ANXA11: variants seen among roughly 807,000 people sequenced by gnomAD.
The protein encoded by ANXA11 is annexin A11.
A neutral mutation model predicts 64.7 loss-of-function variants in ANXA11; 57 were observed. That is an observed-to-expected ratio of 0.88 (90% CI 0.71 to 1.10). ANXA11 has a LOEUF of 1.10. ANXA11 is among the 50% of genes least tolerant of loss of function. The pLI is 0.00. For synonymous variants in ANXA11, 260 were observed against 265.2 expected (o/e 0.98, Z 0.19); for missense variants, 675 against 670.7 (o/e 1.01, Z -0.07).
In ANXA11 at chr10:80,155,653, A is replaced by G; in HGVS notation, c.*200T>C. 7.1e-6 allele frequency: 4 copies of G among 564,578 alleles called. No homozygotes were observed. The highest frequency in any genetic ancestry group is 1.3e-5 in the Non-Finnish European group (4 of 319,018). 35.0% of individuals were successfully genotyped at this position (564,578 alleles called of 1,614,324 possible). A position where few individuals can be genotyped will look rare whatever the true frequency, so the allele number is the denominator to read the frequency against. On this transcript the variant is annotated 3_prime_UTR_variant, in exon 16 of 16. Coordinates refer to ENST00000422982, the MANE Select transcript of ANXA11 (RefSeq NM_145868.2). ...AGAGGCTGTGAGGGATGGGGTAGAA[A>G]AGGCATCCTGAGAGAGTTCTAGACC...
rs576420178 is a variant in ANXA11, at chr10:80,176,559, C to T, written c.-57-404G>A. 5.9e-5 allele frequency among the ~76,000 whole-genome samples: 9 copies of T among 152,328 alleles called. No homozygotes were observed. The South Asian group carries it at 1.5e-3, about 25-fold the overall frequency. Reference sequence around the variant, plus strand: ...CTGCATGTATGTATTGGCCATTAAACAACTTTTAAAAAGGCCCAATTCAGG... The same window carrying T: ...CTGCATGTATGTATTGGCCATTAAATAACTTTTAAAAAGGCCCAATTCAGG... On this transcript the variant is annotated intron_variant, in intron 1 of 15. Transcript: ENST00000422982.
intron 1 of ANXA11, among the ~76,000 whole-genome samples, chr10:80,199,871 G>A (rs1840343084): frequency 6.6e-6 from 1 of 152,200 alleles, no homozygotes; most frequent in Non-Finnish European, 1.5e-5. Context: ...AGCCCGCTGA[G>A]ACAGTTTATG....
chr10:80,156,520 C>CTTT, intron 15 of ANXA11: 2 of 386,890 alleles, frequency 5.2e-6, no homozygotes, highest in Non-Finnish European at 1.1e-5. Flanking sequence ...TATTAACTCT[C>CTTT]TTTTTTTTTT....
chr10:80,189,607 C>T (rs2573356), intron 1 of ANXA11, among the ~76,000 whole-genome samples: 96,202 of 152,050 alleles, frequency 0.63, 31,495 homozygotes, highest in African/African-American at 0.8. Flanking sequence ...GACCAGATGA[C>T]TTCAGATTTT....
chr10:80,181,774 A>G (rs1234325279), intron 1 of ANXA11, among the ~76,000 whole-genome samples: 2 of 152,226 alleles, frequency 1.3e-5, no homozygotes, highest in Non-Finnish European at 2.9e-5. Flanking sequence ...AAAATCCAAA[A>G]CACTGATAAC....
chr10:80,178,242 A>G (rs1846239017), intron 1 of ANXA11, among the ~76,000 whole-genome samples: 2 of 151,806 alleles, frequency 1.3e-5, no homozygotes, highest in South Asian at 4.2e-4. Flanking sequence ...TCTGGCATCC[A>G]TGAGAATCAT....
At chr10:80,161,158 G>A (rs1007183274) in intron 12 of ANXA11, among the ~76,000 whole-genome samples, 4 of 152,110 alleles carry the variant, frequency 2.6e-5, no homozygotes, top group African/African-American at 9.7e-5. Flanking sequence ...CCAGCTCCGG[G>A]AAGTCATCAG....
intron 1 of ANXA11, among the ~76,000 whole-genome samples, chr10:80,193,703 G>A (rs558724635): frequency 1.1e-4 from 16 of 150,956 alleles, no homozygotes; most frequent in African/African-American, 3.2e-4. Flanking sequence ...AAGTAGTCTG[G>A]CGTGGTGGCG....
At chr10:80,172,574 C>T (rs1229287823) in intron 3 of ANXA11, among the ~76,000 whole-genome samples, 2 of 152,112 alleles carry the variant, frequency 1.3e-5, no homozygotes, top group Non-Finnish European at 2.9e-5. Context: ...GGGCCTGGTC[C>T]AGGGCTTTCT....
intron 1 of ANXA11, among the ~76,000 whole-genome samples, chr10:80,186,251 C>T (rs1846533856): frequency 6.6e-6 from 1 of 150,962 alleles, no homozygotes; most frequent in Non-Finnish European, 1.5e-5. Context: ...GGACCCTGGG[C>T]TATTTGATAA....
At chr10:80,167,420 G>T in intron 5 of ANXA11, 107 bp from the exon 6 acceptor site, 1 of 995,396 alleles carries the variant, frequency 1.0e-6, no homozygotes. Flanking sequence ...CTAAGAGTTG[G>T]AGTATCTAAA....
intron 1 of ANXA11, among the ~76,000 whole-genome samples, chr10:80,179,457 G>A (rs146307302): frequency 6.6e-6 from 1 of 152,328 alleles, no homozygotes; most frequent in African/African-American, 2.4e-5. Context: ...ATAGTCGTGT[G>A]AGAATGGACG....
intron 1 of ANXA11, chr10:80,181,083 A>C (rs1234596406): frequency 6.6e-6 from 1 of 152,260 alleles, no homozygotes; most frequent in African/African-American, 2.4e-5. Context: ...ATTTTGTTAG[A>C]GCAGCACAAA....
chr10:80,174,613 C>T (rs1408953673), intron 2 of ANXA11, among the ~76,000 whole-genome samples: 3 of 152,028 alleles, frequency 2.0e-5, no homozygotes, highest in Non-Finnish European at 2.9e-5. Context: ...ACTCTATCAC[C>T]CAGGCTGGAG....
At chr10:80,186,214 T>C (rs1170163609) in intron 1 of ANXA11, among the ~76,000 whole-genome samples, 4 of 152,068 alleles carry the variant, frequency 2.6e-5, no homozygotes, top group Admixed American at 2.6e-4. Context: ...TGACATCCTG[T>C]TTCTCCAAAA....
intron 1 of ANXA11, among the ~76,000 whole-genome samples, 170 bp from the exon 2 acceptor site, chr10:80,176,325 C>A (rs1015965313): frequency 3.9e-5 from 6 of 152,144 alleles, no homozygotes; most frequent in Non-Finnish European, 7.3e-5. Context: ...GCAATGACCA[C>A]CATTATTAAT....
intron 12 of ANXA11, among the ~76,000 whole-genome samples, chr10:80,160,022 A>G (rs1354876077): frequency 6.6e-6 from 1 of 152,126 alleles, no homozygotes; most frequent in Non-Finnish European, 1.5e-5. Context: ...TCCTAGAGAG[A>G]CAGGTGGCAT....
rs753895566 is a variant in ANXA11, at chr10:80,166,040, G to GCACACACACACA, written c.858+43_858+44insTGTGTGTGTGTG. On this transcript the variant is annotated intron_variant, in intron 8 of 15. Coordinates refer to ENST00000422982, the MANE Select transcript of ANXA11 (RefSeq NM_145868.2). ...CGCATGCGCGCGTGCGCACACACGCGCGCACACACACACACACACACACAC... is the reference window on the plus strand; with the variant it reads ...CGCATGCGCGCGTGCGCACACACGCGCACACACACACACGCACACACACACACACACACACAC... 70 of 1,077,486 alleles carry GCACACACACACA rather than the reference G, an allele frequency of 6.5e-5. 1 individual carries two copies. In the African/African-American group the frequency reaches 9.1e-4, roughly 14 times the overall value. 66.7% of individuals were successfully genotyped at this position (1,077,486 alleles called of 1,614,324 possible).
Position 80,176,729 on chromosome 10 carries a change from G to T in ANXA11, c.-57-574C>A, listed in dbSNP as rs181334554. On this transcript the variant is annotated intron_variant, in intron 1 of 15. Coordinates refer to ENST00000422982, the MANE Select transcript of ANXA11 (RefSeq NM_145868.2). ...GAGGGCCTGCAGGCCAGCCTTGATG[G>T]CGCTCGTGGAGCTCATTCTTGGGGT... 2.6e-5 allele frequency among the ~76,000 whole-genome samples: 4 copies of T among 151,956 alleles called. No homozygotes were observed. In the East Asian group the frequency reaches 7.8e-4, roughly 29 times the overall value.
Sources: allele counts gnomAD v4.1 joint callset (sites outside exome capture counted in the v4.1 genomes callset), GRCh38; gene constraint gnomAD v4.1.1; transcripts MANE v1.5; gene names NCBI Gene and HGNC (gene_info 2026-07-23, HGNC 2026-07-21).